NRBP2: variants seen among roughly 807,000 people sequenced by gnomAD.
NRBP2 encodes nuclear receptor binding protein 2, also known as nuclear receptor-binding protein 2.
NRBP2 carries 47 observed loss-of-function variants against 74.4 expected under a neutral mutation model. That is an observed-to-expected ratio of 0.63 (90% CI 0.50 to 0.81). The LOEUF (loss-of-function observed/expected upper bound fraction) is 0.81. NRBP2 is among the 30% of genes least tolerant of loss of function. NRBP2 has a pLI of 0.00. For missense variants in NRBP2, 613 were observed against 690.1 expected, an observed-to-expected ratio of 0.89 and a Z score of 1.25; for synonymous variants, 312 against 273.8, an observed-to-expected ratio of 1.14 and a Z score of -1.38.
Position 143,839,565 on chromosome 8 carries a change from C to T in NRBP2, c.445-16G>A, listed in dbSNP as rs1482456841. On this transcript the variant is annotated splice_polypyrimidine_tract_variant and intron_variant, in intron 4 of 17. Coordinates refer to ENST00000442628, the MANE Select transcript of NRBP2 (RefSeq NM_178564.4). This position sits in a 1 kb window ranked among gnomAD's most constrained non-coding sequence, Gnocchi z 5.1. ...GCTTCCAGGCCTGGCGGCGGACGCA[C>T]GACTCCGTCGGTCGGGTGGGCGCAG... 4.9e-5 allele frequency: 75 copies of T among 1,528,710 alleles called. No individual in the cohort carries two copies. The highest frequency in any genetic ancestry group is 6.4e-5 in the Non-Finnish European group (73 of 1,143,688). 94.7% of individuals were successfully genotyped at this position (1,528,710 alleles called of 1,614,324 possible). A position where few individuals can be genotyped will look rare whatever the true frequency, so the allele number is the denominator to read the frequency against.
Position 143,835,481 on chromosome 8 carries a change from C to G in NRBP2, c.*181G>C, listed in dbSNP as rs782410922. 5.9e-6 allele frequency: 4 copies of G among 678,844 alleles called. No homozygotes were observed. The highest frequency in any genetic ancestry group is 1.0e-5 in the Non-Finnish European group (4 of 385,370). The allele number at this position is 678,844 out of a possible 1,614,324, so 42.1% of individuals were successfully genotyped here. A position where few individuals can be genotyped will look rare whatever the true frequency, so the allele number is the denominator to read the frequency against. ...TAACGGCTCCCCCACACCCACCCCC[C>G]AACCCCTCGGCGCCCAAGGCAGGGT... On this transcript the variant is annotated 3_prime_UTR_variant, in exon 18 of 18. Transcript: ENST00000442628. This position sits in a 1 kb window ranked among gnomAD's most constrained non-coding sequence, Gnocchi z 4.9.
chr8:143,838,924 T>C lies in NRBP2; in HGVS notation c.703A>G (p.Thr235Ala). The C allele has an allele frequency of 6.2e-7, 1 of 1,609,720 alleles. No individual in the cohort carries two copies. ...CCAAAGGAGAAGATGTCCACAGCGG[T>C]CCCATCGGCCACCTCTGAACAGAAG... ...PPEYGEVADG[T>A]AVDIFSFGMC... Residue 235 changes from threonine (T) to alanine (A), a missense_variant, in exon 9 of 18, where the codon ACC becomes GCC. By Grantham distance (58) the Thr-to-Ala change is moderately conservative (BLOSUM62 0). This residue lies in a region of NRBP2 where 332 missense variants were observed against 429.2 expected (regional missense o/e 0.77). Coordinates refer to ENST00000442628, the MANE Select transcript of NRBP2 (RefSeq NM_178564.4).
At chr8:143,838,240 T>C (rs1818517043) in intron 10 of NRBP2, among the ~76,000 whole-genome samples, 1 of 152,122 alleles carries the variant, frequency 6.6e-6, no homozygotes, top group South Asian at 2.1e-4. Context: ...TTCCATCCCA[T>C]ACCTCTTTTT....
At position 143,835,871 on chromosome 8, in the gene NRBP2, G is replaced by C. The variant is rs782235143; in HGVS notation, c.1386C>G (p.Asp462Glu). 2 of 1,603,046 alleles carry C rather than the reference G, an allele frequency of 1.2e-6. No individual in the cohort carries two copies. Among genetic ancestry groups the C allele is most frequent in the Admixed American group, 3.4e-5 (2 of 59,432 alleles). The part of the protein sequence containing the change: ...RQLTYDLLPT[D>E]SAQDLASELV... ...GCTCCGAGGCGAGGTCCTGGGCGCT[G>C]TCCGCTGAGGCAATGGCGTAAGGCG... The change falls in exon 17 of 18, where the codon GAC (aspartate) becomes GAG (glutamate). Residue 462 changes from aspartate to glutamate, a missense_variant. Transcript: ENST00000442628. This position sits in a 1 kb window ranked among gnomAD's most constrained non-coding sequence, Gnocchi z 4.9.
intron 8 of NRBP2, 38 bp from the exon 9 acceptor site, chr8:143,838,976 C>A: frequency 1.3e-6 from 2 of 1,573,056 alleles, no homozygotes; most frequent in South Asian, 2.3e-5. Flanking sequence ...AGGAGAGAAG[C>A]GCAGGGTAGG....
chr8:143,835,317 G>A lies in NRBP2; in HGVS notation c.*345C>T. On this transcript the variant is annotated 3_prime_UTR_variant, in exon 18 of 18. Transcript: ENST00000442628. The surrounding 1 kb of genome is among the most constrained non-coding windows in gnomAD (Gnocchi z 4.9). ...CTCACCCCCAAGCCCCAGAGCTGGG[G>A]TTCCCTACAGGGCAGCCTCCTGCAT... is the stretch of plus-strand genomic sequence containing the variant. The A allele has an allele frequency of 2.5e-6, 1 of 406,006 alleles. No individual in the cohort carries two copies. The highest frequency in any genetic ancestry group is 4.5e-6 in the Non-Finnish European group (1 of 220,928). The allele number at this position is 406,006 out of a possible 1,614,324, so 25.2% of individuals were successfully genotyped here. A position where few individuals can be genotyped will look rare whatever the true frequency, so the allele number is the denominator to read the frequency against.
At position 143,835,210 on chromosome 8, in the gene NRBP2, G is replaced by A. The variant is rs1818306652; in HGVS notation, c.*452C>T. 5.0e-6 allele frequency: 1 copy of A among 199,502 alleles called. No homozygotes were observed. Among genetic ancestry groups the A allele is most frequent in the Non-Finnish European group, 1.0e-5 (1 of 96,970 alleles). The allele number at this position is 199,502 out of a possible 1,614,324, so 12.4% of individuals were successfully genotyped here. The stretch of plus-strand genomic sequence containing the variant: ...CTTGCTGTGCAGGCTCCTTGTGTGG[G>A]TCTATGGTGCCAGCAGGGGATGGCT... On this transcript the variant is annotated 3_prime_UTR_variant, in exon 18 of 18. Coordinates refer to ENST00000442628, the MANE Select transcript of NRBP2 (RefSeq NM_178564.4). This position sits in a 1 kb window ranked among gnomAD's most constrained non-coding sequence, Gnocchi z 4.9.
In NRBP2 at chr8:143,839,599, G is replaced by C; in HGVS notation, c.445-50C>G. Reference sequence around the variant, plus strand: ...CGGTCGGGTGGGCGCAGGAGAGGCGGCTGGGCCTGCGGAGCCCGCCCCGCA... The same window carrying C: ...CGGTCGGGTGGGCGCAGGAGAGGCGCCTGGGCCTGCGGAGCCCGCCCCGCA... On this transcript the variant is annotated intron_variant, in intron 4 of 17. Coordinates refer to ENST00000442628, the MANE Select transcript of NRBP2 (RefSeq NM_178564.4). The surrounding 1 kb of genome is among the most constrained non-coding windows in gnomAD (Gnocchi z 5.1). The C allele has an allele frequency of 6.6e-7, 1 of 1,513,032 alleles. No individual in the cohort carries two copies. Among genetic ancestry groups the C allele is most frequent in the Non-Finnish European group, 8.8e-7 (1 of 1,136,462 alleles). The allele number at this position is 1,513,032 out of a possible 1,614,324, so 93.7% of individuals were successfully genotyped here.
chr8:143,836,861 C>T (rs1298549918), intron 14 of NRBP2, among the ~76,000 whole-genome samples, 178 bp downstream of exon 14: 1 of 151,990 alleles, frequency 6.6e-6, no homozygotes, highest in East Asian at 1.9e-4. Context: ...AGGAGAGTGC[C>T]CAGCCTGTCC....
In NRBP2 at chr8:143,839,578, C is replaced by G; in HGVS notation, c.445-29G>C. 1 of 1,525,380 alleles carries G rather than the reference C, an allele frequency of 6.6e-7. No homozygotes were observed. The allele number at this position is 1,525,380 out of a possible 1,614,324, so 94.5% of individuals were successfully genotyped here. ...GCGGCGGACGCACGACTCCGTCGGTCGGGTGGGCGCAGGAGAGGCGGCTGG... is the reference window on the plus strand; with the variant it reads ...GCGGCGGACGCACGACTCCGTCGGTGGGGTGGGCGCAGGAGAGGCGGCTGG... On this transcript the variant is annotated intron_variant, in intron 4 of 17. Transcript: ENST00000442628. This position sits in a 1 kb window ranked among gnomAD's most constrained non-coding sequence, Gnocchi z 5.1.
At chr8:143,836,949 G>C in intron 14 of NRBP2, 90 bp downstream of exon 14, 1 of 1,425,710 alleles carries the variant, frequency 7.0e-7, no homozygotes, top group South Asian at 1.2e-5. Flanking sequence ...GGGCTGTGGG[G>C]ATGCAGGCCC....
chr8:143,837,014 C>T lies in NRBP2; in HGVS notation c.1263+25G>A. On this transcript the variant is annotated intron_variant, in intron 14 of 17. Transcript: ENST00000442628. This position sits in a 1 kb window ranked among gnomAD's most constrained non-coding sequence, Gnocchi z 4.3. ...CTGTTAGAAGGTCTGAGGGATGGCA[C>T]TGAGCAGCAGGAGAGGGGACTCACC... 6.2e-7 allele frequency: 1 copy of T among 1,602,212 alleles called. No homozygotes were observed. The highest frequency in any genetic ancestry group is 8.5e-7 in the Non-Finnish European group (1 of 1,176,840).
At position 143,839,291 on chromosome 8, in the gene NRBP2, A is replaced by AC; in HGVS notation, c.580+22dup. 1 of 1,029,200 alleles carries AC rather than the reference A, an allele frequency of 9.7e-7. No individual in the cohort carries two copies. The highest frequency in any genetic ancestry group is 1.4e-6 in the Non-Finnish European group (1 of 723,786). 63.8% of individuals were successfully genotyped at this position (1,029,200 alleles called of 1,614,324 possible). ...GCACCTTCCCCTGCCCCGTTCCCCC[A>AC]CCCAGCCCTGCCCCGCCAGCACCGG... On this transcript the variant is annotated intron_variant, in intron 6 of 17. Transcript: ENST00000442628. The surrounding 1 kb of genome is among the most constrained non-coding windows in gnomAD (Gnocchi z 5.1).
rs1186051638 is a variant in NRBP2, at chr8:143,839,740, G to C, written c.440C>G (p.Ala147Gly). The C allele has an allele frequency of 3.9e-6, 6 of 1,535,860 alleles. No individual in the cohort carries two copies. Among genetic ancestry groups the C allele is most frequent in the East Asian group, 2.4e-5 (1 of 40,910 alleles). ...KTKKNHKAMN[A>G]RAWKRWCTQI... Reference sequence around the variant, plus strand: ...GCCCCAGCCCGCTCCCCATACCCGGGCGTTCATGGCCTTGTGGTTCTTCTT... The same window carrying C: ...GCCCCAGCCCGCTCCCCATACCCGGCCGTTCATGGCCTTGTGGTTCTTCTT... Residue 147 changes from alanine (A) to glycine (G), a missense_variant, in exon 4 of 18, where the codon GCC (alanine) becomes GGC (glycine). Coordinates refer to ENST00000442628, the MANE Select transcript of NRBP2 (RefSeq NM_178564.4). The surrounding 1 kb of genome is among the most constrained non-coding windows in gnomAD (Gnocchi z 5.1).
In NRBP2 at chr8:143,837,731, G is replaced by A. The variant is rs782769162; in HGVS notation, c.865C>T (p.Arg289Trp). 27 of 1,561,146 alleles carry A rather than the reference G, an allele frequency of 1.7e-5. No homozygotes were observed. The highest frequency in any genetic ancestry group is 1.1e-4 in the African/African-American group (8 of 74,060). The change falls in exon 11 of 18, where the codon CGG becomes TGG. Residue 289 changes from arginine (R) to tryptophan (W), a missense_variant. By Grantham distance (101) the Arg-to-Trp change is moderately radical (BLOSUM62 -3). Coordinates refer to ENST00000442628, the MANE Select transcript of NRBP2 (RefSeq NM_178564.4). This position sits in a 1 kb window ranked among gnomAD's most constrained non-coding sequence, Gnocchi z 4.3. ...GCAGAGGGCCGGCGGGCAGGGTCCC[G>A]GGCCAGGCAGCAAAGGATGAACTCC... ...MREFILCCLARDPARRPSAHS... is the reference protein window; with the variant it reads ...MREFILCCLAWDPARRPSAHS...
rs1554652121 is a variant in NRBP2 at position 143,837,331 on chromosome 8, T to G, written c.1077-32A>C. 10 of 758,804 alleles carry G rather than the reference T, an allele frequency of 1.3e-5. No homozygotes were observed. The highest frequency in any genetic ancestry group is 1.8e-5 in the Non-Finnish European group (10 of 569,820). 47.0% of individuals were successfully genotyped at this position (758,804 alleles called of 1,614,324 possible). A position where few individuals can be genotyped will look rare whatever the true frequency, so the allele number is the denominator to read the frequency against. ...TGGAAGTGGGAGGCACATGAGGGGC[T>G]GGCCGGGGCGAGGGGAGGGGAGGTG... On this transcript the variant is annotated intron_variant, in intron 12 of 17. Coordinates refer to ENST00000442628, the MANE Select transcript of NRBP2 (RefSeq NM_178564.4). This position sits in a 1 kb window ranked among gnomAD's most constrained non-coding sequence, Gnocchi z 4.3.
At position 143,839,119 on chromosome 8, in the gene NRBP2, C is replaced by G. The variant is rs1554652833; in HGVS notation, c.605-19G>C. ...GGAAGTGCTGTGGGAGGGCGCAGAG[C>G]TGAGCGGGCGGGGACCTCTCCAGGA... On this transcript the variant is annotated intron_variant, in intron 7 of 17. Coordinates refer to ENST00000442628, the MANE Select transcript of NRBP2 (RefSeq NM_178564.4). This position sits in a 1 kb window ranked among gnomAD's most constrained non-coding sequence, Gnocchi z 5.1. The G allele has an allele frequency of 2.6e-6, 4 of 1,514,354 alleles. No individual in the cohort carries two copies. The highest frequency in any genetic ancestry group is 2.0e-5 in the Admixed American group (1 of 49,960). 93.8% of individuals were successfully genotyped at this position (1,514,354 alleles called of 1,614,324 possible).
chr8:143,839,895 G>T lies in NRBP2; in HGVS notation c.354+34C>A, dbSNP rs1554653256. On this transcript the variant is annotated intron_variant, in intron 3 of 17. Coordinates refer to ENST00000442628, the MANE Select transcript of NRBP2 (RefSeq NM_178564.4). This position sits in a 1 kb window ranked among gnomAD's most constrained non-coding sequence, Gnocchi z 5.1. ...CCCATGCCCGCCCCACCTAGCTGTG[G>T]TCTCTGCCTGCCCGGGGCCTTGCCC... The T allele has an allele frequency of 2.0e-6, 3 of 1,535,282 alleles. No individual in the cohort carries two copies. In the Admixed American group the frequency reaches 5.9e-5, roughly 30 times the overall value.
In NRBP2 at chr8:143,835,737, A is replaced by C. The variant is rs1818335324; in HGVS notation, c.1438-7T>G. On this transcript the variant is annotated splice_region_variant and splice_polypyrimidine_tract_variant and intron_variant, in intron 17 of 17. Coordinates refer to ENST00000442628, the MANE Select transcript of NRBP2 (RefSeq NM_178564.4). The surrounding 1 kb of genome is among the most constrained non-coding windows in gnomAD (Gnocchi z 4.9). ...CCAGCTTCATCCGGTCGTCCTGCGG[A>C]AGGAGGGAGGCATGGGGGACGGAGG... is the stretch of plus-strand genomic sequence containing the variant. 6.3e-7 allele frequency: 1 copy of C among 1,598,068 alleles called. No individual in the cohort carries two copies.
Sources: gnomAD v4.1 joint callset for allele counts (sites outside exome capture counted in the v4.1 genomes callset) on GRCh38, gnomAD v4.1.1 for gene constraint, gnomAD v4.1.1 regional missense constraint, Gnocchi (gnomAD v3.1) non-coding constraint, MANE v1.5 for transcripts, NCBI Gene and HGNC (gene_info 2026-07-23, HGNC 2026-07-21) for gene names.